Variants in SLC26A7 observed in about 807,000 individuals in gnomAD.
SLC26A7 encodes anion exchange transporter.
In SLC26A7, 59 loss-of-function variants were observed where a neutral mutation model predicts 82.5. That is an observed-to-expected ratio of 0.72 (90% CI 0.58 to 0.89). The LOEUF (loss-of-function observed/expected upper bound fraction) is 0.89, where lower values mean the gene tolerates loss of function less well. Ranked by LOEUF, SLC26A7 falls within the 40% of genes least tolerant of loss-of-function variation. The pLI is 0.00. For missense variants in SLC26A7, 820 were observed against 793.0 expected (o/e 1.03, Z -0.41); for synonymous variants, 271 against 274.3 (o/e 0.99, Z 0.12).
chr8:91,279,352 A>G (rs1278531329), intron 2 of SLC26A7, among the ~76,000 whole-genome samples: 2 of 151,494 alleles, frequency 1.3e-5, no homozygotes, highest in Non-Finnish European at 2.9e-5. Flanking sequence ...TTCTATGTTT[A>G]ATTTTTTGGG....
chr8:91,216,283 A>G (rs1810045867), intron 1 of SLC26A7, among the ~76,000 whole-genome samples: 1 of 152,136 alleles, frequency 6.6e-6, no homozygotes, highest in Non-Finnish European at 1.5e-5. Context: ...CCTGCTTGCA[A>G]TAAGAGCCAA....
At position 91,397,547 on chromosome 8, in the gene SLC26A7, A is replaced by G. The variant is rs1349560718; in HGVS notation, c.*2450A>G. 1.3e-5 allele frequency: 2 copies of G among 152,586 alleles called. No homozygotes were observed. Among genetic ancestry groups the G allele is most frequent in the Non-Finnish European group, 2.9e-5 (2 of 67,974 alleles). The allele number at this position is 152,586 out of a possible 1,614,324, so 9.5% of individuals were successfully genotyped here. ...TTAAGGACCTAATAGAGTGACATAT[A>G]TAAATTAAGCATAAAATATGTAACC... On this transcript the variant is annotated 3_prime_UTR_variant, in exon 19 of 19. Coordinates refer to ENST00000276609, the MANE Select transcript of SLC26A7 (RefSeq NM_052832.4).
In SLC26A7 at chr8:91,395,750, T is replaced by G. The variant is rs1361826778; in HGVS notation, c.*653T>G. The G allele has an allele frequency of 1.3e-5, 2 of 152,118 alleles. No individual in the cohort carries two copies. The highest frequency in any genetic ancestry group is 2.4e-5 in the African/African-American group (1 of 41,430). 9.4% of individuals were successfully genotyped at this position (152,118 alleles called of 1,614,324 possible). ...AAACGGGTATCCAAATAAAACCAAG[T>G]TCTTGACATTGGTCTGTTTTGCTGT... On this transcript the variant is annotated 3_prime_UTR_variant, in exon 19 of 19. Transcript: ENST00000276609.
intron 5 of SLC26A7, among the ~76,000 whole-genome samples, chr8:91,331,221 C>T (rs1312893051): frequency 6.6e-6 from 1 of 152,092 alleles, no homozygotes; most frequent in African/African-American, 2.4e-5. Flanking sequence ...TCAGAGGGGG[C>T]CACACAACTG....
intron 15 of SLC26A7, among the ~76,000 whole-genome samples, chr8:91,372,010 G>A (rs1401161616): frequency 6.6e-6 from 1 of 151,956 alleles, no homozygotes; most frequent in East Asian, 1.9e-4. Context: ...CATTTTTCAT[G>A]TTTGTTGGTC....
At chr8:91,219,717 G>A (rs547296864) in intron 2 of SLC26A7, among the ~76,000 whole-genome samples, 14 of 152,284 alleles carry the variant, frequency 9.2e-5, no homozygotes, top group African/African-American at 1.4e-4. Flanking sequence ...TTGAGAACGT[G>A]TTAGAAATAC....
chr8:91,360,681 T>C (rs1023831230), intron 11 of SLC26A7, among the ~76,000 whole-genome samples: 1 of 152,156 alleles, frequency 6.6e-6, no homozygotes, highest in Non-Finnish European at 1.5e-5. Flanking sequence ...CCAGGCTCTA[T>C]GGTTTTTTAA....
intron 15 of SLC26A7, among the ~76,000 whole-genome samples, chr8:91,370,178 C>CT (rs34930979): frequency 0.41 from 60,279 of 147,276 alleles, 13,049 homozygotes; most frequent in African/African-American, 0.51. Flanking sequence ...TTCTTTCCTT[C>CT]TTTTTTTTTC....
At chr8:91,212,769 T>A (rs1450847565) in intron 1 of SLC26A7, among the ~76,000 whole-genome samples, 1 of 152,150 alleles carries the variant, frequency 6.6e-6, no homozygotes, top group Non-Finnish European at 1.5e-5. Flanking sequence ...ACTAAGAGGA[T>A]CAGAAAGCAT....
At chr8:91,394,486 T>C in intron 18 of SLC26A7, 3 of 1,339,660 alleles carry the variant, frequency 2.2e-6, no homozygotes, top group African/African-American at 1.5e-5. Flanking sequence ...GCTCACATGA[T>C]CTGAAGTGTC....
Position 91,367,289 on chromosome 8 carries a change from T to G in SLC26A7, c.1626+572T>G, listed in dbSNP as rs541953199. Among the ~76,000 whole-genome samples, 5 of 152,292 alleles carry G rather than the reference T, an allele frequency of 3.3e-5. 1 individual carries two copies. The South Asian group carries it at 1.0e-3, about 32-fold the overall frequency. On this transcript the variant is annotated intron_variant, in intron 14 of 18. Coordinates refer to ENST00000276609, the MANE Select transcript of SLC26A7 (RefSeq NM_052832.4). ...TTCCAAAGTGCTGGGATTACAGGCG[T>G]GAGCCACTGCGCCCAGTCGAAAGGA...
At chr8:91,300,344 T>G (rs1489069947) in intron 4 of SLC26A7, among the ~76,000 whole-genome samples, 1 of 152,162 alleles carries the variant, frequency 6.6e-6, no homozygotes, top group East Asian at 1.9e-4. Flanking sequence ...AATCCTGATA[T>G]CTTACTGAAT....
intron 2 of SLC26A7, 112 bp from the exon 3 acceptor site, chr8:91,289,024 G>C: frequency 1.4e-6 from 1 of 690,162 alleles, no homozygotes; most frequent in Non-Finnish European, 2.5e-6. Flanking sequence ...TGAGCAAGTA[G>C]AATAAAGTAT....
chr8:91,299,336 A>G (rs1812099158), intron 4 of SLC26A7, among the ~76,000 whole-genome samples: 1 of 151,940 alleles, frequency 6.6e-6, no homozygotes, highest in Non-Finnish European at 1.5e-5. Flanking sequence ...TTTACTGCCC[A>G]TTATTTTGAG....
intron 5 of SLC26A7, among the ~76,000 whole-genome samples, chr8:91,322,640 A>G (rs1160790354): frequency 6.6e-6 from 1 of 152,218 alleles, no homozygotes; most frequent in Non-Finnish European, 1.5e-5. Context: ...GGTTTCTTTG[A>G]GATGGTGCCA....
intron 5 of SLC26A7, among the ~76,000 whole-genome samples, chr8:91,325,437 G>C (rs2130818135): frequency 6.6e-6 from 1 of 152,246 alleles, no homozygotes; most frequent in African/African-American, 2.4e-5. Flanking sequence ...AACGGAGGGT[G>C]AAGGCACTGT....
chr8:91,394,334 A>G (rs1284450362), intron 18 of SLC26A7: 2 of 1,607,292 alleles, frequency 1.2e-6, no homozygotes, highest in Non-Finnish European at 1.7e-6. Context: ...TGCTTCTTCC[A>G]GGATCTACTG....
intron 11 of SLC26A7, among the ~76,000 whole-genome samples, chr8:91,358,100 T>G (rs1181286749): frequency 6.6e-6 from 1 of 152,116 alleles, no homozygotes; most frequent in Non-Finnish European, 1.5e-5. Flanking sequence ...CATTAAAAAG[T>G]CAGGAAACAA....
chr8:91,282,912 C>CT (rs1491514213), intron 2 of SLC26A7, among the ~76,000 whole-genome samples: 1 of 152,136 alleles, frequency 6.6e-6, no homozygotes, highest in Non-Finnish European at 1.5e-5. Context: ...ACTCTTCATG[C>CT]TTTTTTGTTC....
Sources: allele counts gnomAD v4.1 joint callset (sites outside exome capture counted in the v4.1 genomes callset), GRCh38; gene constraint gnomAD v4.1.1; transcripts MANE v1.5; gene names NCBI Gene and HGNC (gene_info 2026-07-23, HGNC 2026-07-21).